Variants in PDZRN4 observed in about 807,000 individuals in gnomAD.
The protein encoded by PDZRN4 is PDZ domain-containing RING finger protein 4.
PDZRN4 carries 70 observed loss-of-function variants against 99.0 expected under a neutral mutation model. The ratio of observed to expected loss-of-function variants is 0.71; its 90% CI spans 0.58 to 0.86. The LOEUF (loss-of-function observed/expected upper bound fraction) is 0.86, where lower values mean the gene tolerates loss of function less well. Ranked by LOEUF, PDZRN4 falls within the 40% of genes least tolerant of loss-of-function variation. The pLI is 0.00. For synonymous variants in PDZRN4, 551 were observed against 501.6 expected (o/e 1.10, Z -1.32); for missense variants, 1,474 against 1,331.2 (o/e 1.11, Z -1.67).
chr12:41,542,770 C>T (rs1245795030), intron 5 of PDZRN4, among the ~76,000 whole-genome samples: 1 of 152,074 alleles, frequency 6.6e-6, no homozygotes, highest in East Asian at 1.9e-4. Context: ...TAGATTATGT[C>T]TAAAATTCCC....
chr12:41,448,281 C>T (rs1592063109), intron 3 of PDZRN4, among the ~76,000 whole-genome samples: 1 of 152,142 alleles, frequency 6.6e-6, no homozygotes, highest in East Asian at 1.9e-4. Context: ...GTGATTTTTC[C>T]CATCTCTTTT....
At chr12:41,328,023 A>C (rs192537714) in intron 3 of PDZRN4, among the ~76,000 whole-genome samples, 1 of 152,276 alleles carries the variant, frequency 6.6e-6, no homozygotes, top group East Asian at 1.9e-4. Flanking sequence ...AAATATGAAA[A>C]AATATGGTAT....
intron 3 of PDZRN4, among the ~76,000 whole-genome samples, chr12:41,221,223 C>A (rs1207709032): frequency 6.6e-6 from 1 of 152,156 alleles, no homozygotes; most frequent in Non-Finnish European, 1.5e-5. Flanking sequence ...GAAACAAAAC[C>A]TTTAAGGCTT....
chr12:41,451,345 T>A (rs1205193130), intron 3 of PDZRN4, among the ~76,000 whole-genome samples: 1 of 152,176 alleles, frequency 6.6e-6, no homozygotes, highest in South Asian at 2.1e-4. Context: ...ATACACATAG[T>A]TGGTTATTAA....
At chr12:41,218,880 C>T (rs1566368943) in intron 3 of PDZRN4, among the ~76,000 whole-genome samples, 1 of 152,000 alleles carries the variant, frequency 6.6e-6, no homozygotes, top group Non-Finnish European at 1.5e-5. Context: ...TTTATTTTTA[C>T]ACATAAGTCT....
chr12:41,283,983 T>C (rs1296144256), intron 3 of PDZRN4, among the ~76,000 whole-genome samples: 1 of 152,086 alleles, frequency 6.6e-6, no homozygotes, highest in African/African-American at 2.4e-5. Context: ...CACTCCTATT[T>C]AACATGGTAT....
intron 3 of PDZRN4, among the ~76,000 whole-genome samples, chr12:41,387,239 G>A (rs1484606333): frequency 1.3e-5 from 2 of 152,114 alleles, no homozygotes; most frequent in Non-Finnish European, 2.9e-5. Context: ...TTACTGTCCA[G>A]CATCTATAAG....
At chr12:41,337,894 A>G (rs1951787321) in intron 3 of PDZRN4, among the ~76,000 whole-genome samples, 1 of 152,130 alleles carries the variant, frequency 6.6e-6, no homozygotes, top group South Asian at 2.1e-4. Flanking sequence ...TAGAGGCCAC[A>G]AGATCCATTC....
chr12:41,516,688 C>T (rs146881823), intron 5 of PDZRN4, among the ~76,000 whole-genome samples: 6 of 151,822 alleles, frequency 4.0e-5, no homozygotes, highest in East Asian at 3.9e-4. Context: ...TAAAGAATGA[C>T]GGGGGTTCTG....
intron 3 of PDZRN4, among the ~76,000 whole-genome samples, chr12:41,382,974 C>G (rs1952138034): frequency 6.6e-6 from 1 of 151,954 alleles, no homozygotes; most frequent in African/African-American, 2.4e-5. Context: ...GTTTTTTTCT[C>G]TTTGGGATTT....
chr12:41,568,233 C>A (rs1054355080), intron 9 of PDZRN4, among the ~76,000 whole-genome samples: 1 of 152,090 alleles, frequency 6.6e-6, no homozygotes, highest in East Asian at 1.9e-4. Flanking sequence ...TGAAAACAAA[C>A]TGAGGTAGCT....
rs529098153 is a variant in PDZRN4, at chr12:41,454,888, C to T, written c.844-51568C>T. Reference sequence around the variant, plus strand: ...ATAATGGAAATATTCTATATTTGTTCCATCAAGTACAATAGCCACTAGCCA... The same window carrying T: ...ATAATGGAAATATTCTATATTTGTTTCATCAAGTACAATAGCCACTAGCCA... On this transcript the variant is annotated intron_variant, in intron 3 of 9. Transcript: ENST00000402685. 3.9e-5 allele frequency among the ~76,000 whole-genome samples: 6 copies of T among 152,320 alleles called. No homozygotes were observed. The South Asian group carries it at 8.3e-4, about 21-fold the overall frequency.
In PDZRN4 at chr12:41,342,698, C is replaced by T. The variant is rs143655654; in HGVS notation, c.843+148510C>T. 4.4e-3 allele frequency among the ~76,000 whole-genome samples: 670 copies of T among 151,820 alleles called. 5 individuals carry two copies. The highest frequency in any genetic ancestry group is 0.014 in the African/African-American group (590 of 41,468). On this transcript the variant is annotated intron_variant, in intron 3 of 9. Transcript: ENST00000402685. ...GTTAGAATGGCTACTATCAAAAAGA[C>T]CAAAGAAAATATATATTGGCAAATA...
chr12:41,549,580 A>G (rs1939018264), intron 5 of PDZRN4, among the ~76,000 whole-genome samples: 1 of 152,094 alleles, frequency 6.6e-6, no homozygotes, highest in Non-Finnish European at 1.5e-5. Flanking sequence ...TTCCAGAAAA[A>G]TCTCACTTGG....
rs114408198 is a variant in PDZRN4, at chr12:41,462,243, T to C, written c.844-44213T>C. 6.0e-3 allele frequency among the ~76,000 whole-genome samples: 921 copies of C among 152,308 alleles called. 10 individuals are homozygous for C. Among genetic ancestry groups the C allele is most frequent in the African/African-American group, 0.021 (860 of 41,578 alleles). Reference sequence around the variant, plus strand: ...TGCTTAATATAGTGCTTTTACAAAATAGATATGCAGTGTTTGTGGAACGAA... The same window carrying C: ...TGCTTAATATAGTGCTTTTACAAAACAGATATGCAGTGTTTGTGGAACGAA... On this transcript the variant is annotated intron_variant, in intron 3 of 9. Transcript: ENST00000402685.
At chr12:41,481,639 C>T (rs1279755543) in intron 3 of PDZRN4, among the ~76,000 whole-genome samples, 2 of 152,030 alleles carry the variant, frequency 1.3e-5, no homozygotes, top group African/African-American at 4.8e-5. Flanking sequence ...AGCTCAAATC[C>T]AAGTCTTCTG....
At chr12:41,495,827 A>G (rs1383129712) in intron 3 of PDZRN4, among the ~76,000 whole-genome samples, 1 of 151,978 alleles carries the variant, frequency 6.6e-6, no homozygotes, top group Non-Finnish European at 1.5e-5. Flanking sequence ...TCATGCCTCA[A>G]CCCTGGGGTT....
At chr12:41,509,287 GA>G (rs1375300495) in intron 4 of PDZRN4, among the ~76,000 whole-genome samples, 1 of 152,086 alleles carries the variant, frequency 6.6e-6, no homozygotes, top group African/African-American at 2.4e-5. Flanking sequence ...GGGAGAGTGA[GA>G]AAGGGGGATC....
At chr12:41,341,787 C>A (rs1951819429) in intron 3 of PDZRN4, among the ~76,000 whole-genome samples, 1 of 151,802 alleles carries the variant, frequency 6.6e-6, no homozygotes, top group Non-Finnish European at 1.5e-5. Flanking sequence ...AAGTGATCTA[C>A]AAGTTTAATG....
Sources: gnomAD v4.1 joint callset for allele counts (sites outside exome capture counted in the v4.1 genomes callset) on GRCh38, gnomAD v4.1.1 for gene constraint, MANE v1.5 for transcripts, NCBI Gene and HGNC (gene_info 2026-07-23, HGNC 2026-07-21) for gene names.